The following SHISA9 variants were observed in gnomAD, a reference collection of about 807,000 sequenced individuals.
SHISA9 encodes the protein shisa family member 9.
SHISA9 carries 13 observed loss-of-function variants against 38.0 expected under a neutral mutation model. The observed-to-expected ratio is 0.34, with a 90% CI of 0.22 to 0.54. The LOEUF is 0.54. Among genes scored for constraint, SHISA9 ranks in the 20% least tolerant of loss-of-function variants. The pLI is 0.91. For missense variants in SHISA9, 538 were observed against 575.8 expected, an observed-to-expected ratio of 0.93 and a Z score of 0.67; for synonymous variants, 275 against 242.0, an observed-to-expected ratio of 1.14 and a Z score of -1.27.
chr16:12,939,283 C>T (rs1208929031), intron 2 of SHISA9, among the ~76,000 whole-genome samples: 1 of 152,270 alleles, frequency 6.6e-6, no homozygotes, highest in Non-Finnish European at 1.5e-5. Flanking sequence ...GGGGTTTCAC[C>T]ATGTTGGCCA....
chr16:13,536,235 G>A, the SHISA9 span, among the ~76,000 whole-genome samples: 1 of 152,152 alleles, frequency 6.6e-6, no homozygotes, highest in Non-Finnish European at 1.5e-5. Flanking sequence ...CTGACCTCGT[G>A]ATCCGTCCGT....
intron 2 of SHISA9, among the ~76,000 whole-genome samples, chr16:13,114,441 G>A (rs2074010210): frequency 6.8e-6 from 1 of 147,864 alleles, no homozygotes. Context: ...ACTCCAGCCT[G>A]GGTGGCAGAG....
intron 2 of SHISA9, among the ~76,000 whole-genome samples, chr16:13,105,628 A>G (rs754999119): frequency 6.6e-6 from 1 of 152,194 alleles, no homozygotes; most frequent in African/African-American, 2.4e-5. Flanking sequence ...CTGTGGAGAA[A>G]GAAAATAGAG....
rs1432717100 is a variant in SHISA9 at position 13,235,144 on chromosome 16, G to C, written c.1010G>C (p.Ser337Thr). The change falls in exon 5 of 5, where the codon AGC becomes ACC. Residue 337 changes from serine to threonine, a missense_variant. This residue lies in a region of SHISA9 where 326 missense variants were observed against 305.9 expected (regional missense o/e 1.07). Transcript: ENST00000558583. ...VRVEDEPRAF[S>T]PEHGPAKQNG... ...GTGGAGGACGAGCCCCGGGCCTTCA[G>C]CCCTGAGCACGGTCCTGCCAAGCAG... 1 of 1,551,580 alleles carries C rather than the reference G, an allele frequency of 6.4e-7. No homozygotes were observed. Among genetic ancestry groups the C allele is most frequent in the Non-Finnish European group, 8.7e-7 (1 of 1,147,016 alleles).
At chr16:13,549,804 C>G in the SHISA9 span, among the ~76,000 whole-genome samples, 1 of 152,030 alleles carries the variant, frequency 6.6e-6, no homozygotes, top group Non-Finnish European at 1.5e-5. Context: ...GTGGGCAGAT[C>G]ACAAGGTCAG....
the SHISA9 span, among the ~76,000 whole-genome samples, chr16:13,369,534 C>G: frequency 1.3e-5 from 2 of 151,204 alleles, no homozygotes; most frequent in African/African-American, 4.9e-5. Flanking sequence ...TTCTTGGGAC[C>G]CCAGAAGTAA....
At chr16:13,120,881 G>A (rs1157788866) in intron 2 of SHISA9, among the ~76,000 whole-genome samples, 1 of 152,110 alleles carries the variant, frequency 6.6e-6, no homozygotes. Flanking sequence ...TTTTACAGGT[G>A]GTCAGGGGGA....
At chr16:12,995,608 G>A (rs1033022632) in intron 2 of SHISA9, among the ~76,000 whole-genome samples, 3 of 152,154 alleles carry the variant, frequency 2.0e-5, no homozygotes, top group African/African-American at 7.2e-5. Flanking sequence ...GATGTGCTCG[G>A]ATTCTGAATT....
intron 2 of SHISA9, among the ~76,000 whole-genome samples, chr16:13,175,877 G>C (rs998690718): frequency 2.9e-4 from 44 of 152,238 alleles, no homozygotes; most frequent in African/African-American, 9.9e-4. Context: ...AGGAGACCAA[G>C]CAAGAGAGAG....
At chr16:13,063,189 G>C (rs1346797713) in intron 2 of SHISA9, among the ~76,000 whole-genome samples, 1 of 151,912 alleles carries the variant, frequency 6.6e-6, no homozygotes, top group Non-Finnish European at 1.5e-5. Context: ...TGTATTTTTA[G>C]TTGAGACGGG....
the SHISA9 span, among the ~76,000 whole-genome samples, chr16:13,473,603 C>T: frequency 6.6e-6 from 1 of 152,138 alleles, no homozygotes; most frequent in Non-Finnish European, 1.5e-5. Context: ...GTCACACCAA[C>T]ACTCTTCATT....
the SHISA9 span, among the ~76,000 whole-genome samples, chr16:13,417,854 C>T: frequency 2.6e-5 from 4 of 152,160 alleles, no homozygotes; most frequent in African/African-American, 4.8e-5. Context: ...TCAACATGCT[C>T]GAATGCTGGC....
At chr16:13,434,155 C>T in the SHISA9 span, among the ~76,000 whole-genome samples, 13 of 152,210 alleles carry the variant, frequency 8.5e-5, no homozygotes, top group Admixed American at 3.9e-4. Context: ...GCATCCGGCA[C>T]GGGAGAAAGA....
the SHISA9 span, among the ~76,000 whole-genome samples, chr16:13,313,187 G>A: frequency 1.5e-3 from 221 of 148,478 alleles, no homozygotes; most frequent in Non-Finnish European, 2.3e-3. Context: ...CCCGGGAGGC[G>A]GAGCTTGCAG....
At chr16:12,911,990 C>T (rs2141715558) in intron 1 of SHISA9, among the ~76,000 whole-genome samples, 1 of 152,344 alleles carries the variant, frequency 6.6e-6, no homozygotes, top group South Asian at 2.1e-4. Context: ...TTTGGGGGCA[C>T]ATATAATTGC....
At chr16:13,534,204 C>A in the SHISA9 span, among the ~76,000 whole-genome samples, 1 of 150,246 alleles carries the variant, frequency 6.7e-6, no homozygotes, top group African/African-American at 2.4e-5. Context: ...CTCCATATGT[C>A]TCTTATCCAC....
At chr16:13,358,141 G>T in the SHISA9 span, among the ~76,000 whole-genome samples, 2 of 152,116 alleles carry the variant, frequency 1.3e-5, no homozygotes, top group African/African-American at 4.8e-5. Context: ...AAGTGGAAAG[G>T]GTAGCAATTG....
chr16:13,306,512 T>A, the SHISA9 span, among the ~76,000 whole-genome samples: 1 of 152,178 alleles, frequency 6.6e-6, no homozygotes, highest in Middle Eastern at 3.2e-3. Flanking sequence ...AACTTAATGA[T>A]AGCATTCTGA....
the SHISA9 span, among the ~76,000 whole-genome samples, chr16:13,387,690 A>G: frequency 2.0e-5 from 3 of 151,992 alleles, no homozygotes; most frequent in African/African-American, 7.3e-5. Context: ...ATGTTTCACC[A>G]TGTTGGCCAG....
Sources: gnomAD v4.1 joint callset for allele counts (sites outside exome capture counted in the v4.1 genomes callset) on GRCh38, gnomAD v4.1.1 for gene constraint, gnomAD v4.1.1 regional missense constraint, MANE v1.5 for transcripts, NCBI Gene and HGNC (gene_info 2026-07-23, HGNC 2026-07-21) for gene names.